The following G3BP2 variants were observed in gnomAD, a reference collection of about 807,000 sequenced individuals.
G3BP2 encodes ras GTPase-activating protein-binding protein 2.
A neutral mutation model predicts 56.7 loss-of-function variants in G3BP2; 11 were observed. The observed-to-expected ratio is 0.19, with a 90% confidence interval of 0.12 to 0.32. The LOEUF is 0.32. Among genes scored for constraint, G3BP2 ranks in the 10% least tolerant of loss-of-function variants. G3BP2 has a pLI of 1.00. For missense variants in G3BP2, 340 were observed against 610.9 expected, an observed-to-expected ratio of 0.56 and a Z score of 4.67; for synonymous variants, 165 against 191.6, an observed-to-expected ratio of 0.86 and a Z score of 1.15.
At chr4:75,716,106 G>A (rs1039623842) in intron 3 of G3BP2, among the ~76,000 whole-genome samples, 1 of 152,158 alleles carries the variant, frequency 6.6e-6, no homozygotes, top group Non-Finnish European at 1.5e-5. Context: ...TCCTGAAAAG[G>A]TCATGTGTGT....
intron 3 of G3BP2, among the ~76,000 whole-genome samples, chr4:75,680,742 G>A (rs1057329500): frequency 1.4e-4 from 21 of 152,092 alleles, no homozygotes; most frequent in Admixed American, 1.1e-3. Flanking sequence ...TGAGGCGGGC[G>A]GATCGCGAGG....
chr4:75,700,622 T>C (rs1468565673), intron 3 of G3BP2, among the ~76,000 whole-genome samples: 5 of 148,956 alleles, frequency 3.4e-5, no homozygotes, highest in East Asian at 4.2e-4. Flanking sequence ...GGTTTCACCA[T>C]GTTGGTCAGG....
At chr4:75,716,027 CT>C (rs1439153285) in intron 3 of G3BP2, among the ~76,000 whole-genome samples, 2 of 152,128 alleles carry the variant, frequency 1.3e-5, no homozygotes, top group Non-Finnish European at 2.9e-5. Context: ...TACTCACATA[CT>C]TGGGAAAGAG....
At chr4:75,658,959 G>T in intron 2 of G3BP2, 35 bp from the exon 3 acceptor site, 2 of 1,455,968 alleles carry the variant, frequency 1.4e-6, no homozygotes, top group African/African-American at 1.4e-5. Context: ...ACACTGAATT[G>T]TCAAGAGAAG....
intron 1 of G3BP2, among the ~76,000 whole-genome samples, chr4:75,664,885 A>G (rs1181162854): frequency 6.6e-6 from 1 of 151,554 alleles, no homozygotes; most frequent in Non-Finnish European, 1.5e-5. Flanking sequence ...AGGCTGGCAC[A>G]GTGGATCATG....
intron 3 of G3BP2, 42 bp from the exon 4 acceptor site, chr4:75,657,772 T>G (rs1190978381): frequency 8.3e-7 from 1 of 1,200,328 alleles, no homozygotes; most frequent in Non-Finnish European, 1.2e-6. Context: ...TCTGTGATAC[T>G]GCATTACCTA....
At chr4:75,693,719 G>C (rs1718973560) in intron 3 of G3BP2, among the ~76,000 whole-genome samples, 1 of 151,418 alleles carries the variant, frequency 6.6e-6, no homozygotes, top group Admixed American at 6.6e-5. Context: ...AACCCGGGAG[G>C]CAGAGTTTGC....
chr4:75,707,862 T>TA (rs957837158), intron 3 of G3BP2, among the ~76,000 whole-genome samples: 20 of 152,174 alleles, frequency 1.3e-4, no homozygotes, highest in Non-Finnish European at 1.8e-4. Context: ...ATTTTCAGAA[T>TA]AAAAATGTAA....
Position 75,644,260 on chromosome 4 carries a change from T to A in G3BP2, c.*1170A>T, listed in dbSNP as rs1317996691. On this transcript the variant is annotated 3_prime_UTR_variant, in exon 12 of 12. Coordinates refer to ENST00000359707, the MANE Select transcript of G3BP2 (RefSeq NM_203505.3). ...GTCCACATTCAGGCTAAGAGAAAAG[T>A]CAACTAGAGGCTTACTCAAATAACT... 6.6e-6 allele frequency: 1 copy of A among 152,548 alleles called. No individual in the cohort carries two copies. The highest frequency in any genetic ancestry group is 1.5e-5 in the Non-Finnish European group (1 of 68,032). The allele number at this position is 152,548 out of a possible 1,614,324, so 9.4% of individuals were successfully genotyped here. A position where few individuals can be genotyped will look rare whatever the true frequency, so the allele number is the denominator to read the frequency against.
intron 1 of G3BP2, chr4:75,672,905 C>A (rs939436388): frequency 1.2e-5 from 8 of 656,368 alleles, no homozygotes; most frequent in Non-Finnish European, 1.5e-5. Context: ...GCCTCCCCCC[C>A]CACTTCGCCA....
chr4:75,693,988 G>T (rs1718990606), intron 3 of G3BP2, among the ~76,000 whole-genome samples: 1 of 151,804 alleles, frequency 6.6e-6, no homozygotes, highest in African/African-American at 2.4e-5. Context: ...CAATCTTCCT[G>T]CCTCAGTCTC....
chr4:75,719,683 C>T (rs1291469981), intron 3 of G3BP2, among the ~76,000 whole-genome samples: 1 of 151,916 alleles, frequency 6.6e-6, no homozygotes, highest in Non-Finnish European at 1.5e-5. Flanking sequence ...CTCCGCCTCC[C>T]AGTTTAAGCG....
intron 3 of G3BP2, among the ~76,000 whole-genome samples, chr4:75,714,836 T>C (rs1419536344): frequency 6.6e-6 from 1 of 152,094 alleles, no homozygotes; most frequent in Non-Finnish European, 1.5e-5. Context: ...GATAGAACAG[T>C]CAGCCTGTAA....
intron 8 of G3BP2, among the ~76,000 whole-genome samples, chr4:75,653,597 A>AC (rs1342124844): frequency 7.9e-5 from 12 of 150,952 alleles, no homozygotes; most frequent in African/African-American, 2.9e-4. Context: ...TTTAAAAAAA[A>AC]AAAAAAAAAC....
At chr4:75,699,443 G>C (rs11932454) in intron 3 of G3BP2, among the ~76,000 whole-genome samples, 84,211 of 151,922 alleles carry the variant, frequency 0.55, 24,376 homozygotes, top group East Asian at 0.81. Context: ...GAGTTTCAGA[G>C]AGTTTGGGCA....
chr4:75,702,494 A>C (rs1719388311), intron 3 of G3BP2, among the ~76,000 whole-genome samples: 2 of 152,180 alleles, frequency 1.3e-5, no homozygotes, highest in Non-Finnish European at 2.9e-5. Flanking sequence ...AACTCCTGTA[A>C]ATGCATTAAC....
At chr4:75,710,092 T>A (rs1226559597) in intron 3 of G3BP2, among the ~76,000 whole-genome samples, 1 of 152,246 alleles carries the variant, frequency 6.6e-6, no homozygotes, top group Non-Finnish European at 1.5e-5. Flanking sequence ...ATGTTAATGA[T>A]ACCTTCTATA....
At chr4:75,721,387 T>A (rs1409736332) in intron 2 of G3BP2, among the ~76,000 whole-genome samples, 3 of 151,976 alleles carry the variant, frequency 2.0e-5, no homozygotes, top group African/African-American at 7.3e-5. Context: ...GTGGGACTAC[T>A]GGCTGGGAAT....
intron 3 of G3BP2, 81 bp downstream of exon 3, chr4:75,658,762 G>T: frequency 2.4e-6 from 2 of 846,778 alleles, no homozygotes; most frequent in Non-Finnish European, 4.0e-6. Context: ...GAAAAAAAAA[G>T]CCATGGACAC....
Sources: gnomAD v4.1 joint callset for allele counts (sites outside exome capture counted in the v4.1 genomes callset) on GRCh38, gnomAD v4.1.1 for gene constraint, MANE v1.5 for transcripts, NCBI Gene and HGNC (gene_info 2026-07-23, HGNC 2026-07-21) for gene names.